Variants in ACSM3 observed in about 807,000 individuals in gnomAD.
The protein encoded by ACSM3 is acyl-CoA synthetase medium chain family member 3, also known as acyl-coenzyme A synthetase ACSM3, mitochondrial.
A neutral mutation model predicts 74.1 loss-of-function variants in ACSM3; 61 were observed. The observed-to-expected ratio is 0.82, with a 90% CI of 0.67 to 1.02. ACSM3 has a LOEUF of 1.02. ACSM3 is among the 50% of genes least tolerant of loss of function. ACSM3 has a pLI of 0.00. For synonymous variants in ACSM3, 213 were observed against 241.5 expected (o/e 0.88, Z 1.09); for missense variants, 660 against 697.0 (o/e 0.95, Z 0.60).
intron 1 of ACSM3, chr16:20,741,617 G>A (rs1203168383): frequency 5.7e-6 from 9 of 1,574,140 alleles, no homozygotes; most frequent in Admixed American, 3.7e-5. Context: ...CCTGTAGCCC[G>A]GGCTCTAGCT....
At chr16:20,746,111 T>C (rs1238951057) in intron 1 of ACSM3, among the ~76,000 whole-genome samples, 1 of 152,204 alleles carries the variant, frequency 6.6e-6, no homozygotes, top group Non-Finnish European at 1.5e-5. Context: ...AAGGTTTAGA[T>C]TCCCTGTTAG....
intron 1 of ACSM3, among the ~76,000 whole-genome samples, chr16:20,742,938 C>T (rs2079941268): frequency 6.9e-6 from 1 of 144,014 alleles, no homozygotes. Context: ...GTATGTTTGT[C>T]TATTTTTTTT....
rs141498187 is a variant in ACSM3 at position 20,737,947 on chromosome 16, T to C, written c.-189-11963T>C. 113 of 1,590,214 alleles carry C rather than the reference T, an allele frequency of 7.1e-5. No homozygotes were observed. In the African/African-American group the frequency reaches 1.3e-3, roughly 19 times the overall value. On this transcript the variant is annotated intron_variant, in intron 1 of 3. Transcript: ENST00000561584. ...ATCCTGGAGAATATGATGCACCAAT[T>C]TCTCAGGCTCTTAAGAAAAAAAAAA...
rs1491360260 is a variant in ACSM3, at chr16:20,718,027, A to AG, written c.-189-31883_-189-31882insG. Among the ~76,000 whole-genome samples the AG allele has an allele frequency of 1.1e-4, 16 of 150,070 alleles. No individual in the cohort carries two copies. The East Asian group carries it at 3.0e-3, about 28-fold the overall frequency. On this transcript the variant is annotated intron_variant, in intron 1 of 3. Coordinates refer to the ACSM3 transcript ENST00000561584. The stretch of plus-strand genomic sequence containing the variant: ...GAAGAAGAAGAAGAAGAAGAAGAAG[A>AG]AAAGAAAGAAGAAGAAGAACTGGAC...
chr16:20,782,581 G>C (rs928257071), intron 7 of ACSM3, among the ~76,000 whole-genome samples: 1 of 152,132 alleles, frequency 6.6e-6, no homozygotes. Flanking sequence ...AGTATCCTAT[G>C]ATTTAATTCA....
At chr16:20,686,366 C>A (rs147884739) in intron 1 of ACSM3, among the ~76,000 whole-genome samples, 183 of 152,062 alleles carry the variant, frequency 1.2e-3, no homozygotes, top group African/African-American at 4.2e-3. Flanking sequence ...TAGAAACCAG[C>A]CAAGGATCTG....
At chr16:20,696,324 T>A (rs1200265622) in intron 1 of ACSM3, among the ~76,000 whole-genome samples, 1 of 152,240 alleles carries the variant, frequency 6.6e-6, no homozygotes, top group Non-Finnish European at 1.5e-5. Flanking sequence ...TCTATTTCCA[T>A]CCACATCTGT....
At chr16:20,773,520 GTTTGC>G (rs1206178957) in intron 2 of ACSM3, among the ~76,000 whole-genome samples, 1 of 151,884 alleles carries the variant, frequency 6.6e-6, no homozygotes, top group African/African-American at 2.4e-5. Flanking sequence ...TTAACACTGT[GTTTGC>G]TTTATTTCAT....
chr16:20,745,232 A>G (rs1422099077), intron 1 of ACSM3, among the ~76,000 whole-genome samples: 1 of 152,110 alleles, frequency 6.6e-6, no homozygotes, highest in Non-Finnish European at 1.5e-5. Flanking sequence ...GACATGGACA[A>G]TGGCCCAGTG....
chr16:20,752,628 G>C (rs904212692), intron 2 of ACSM3, among the ~76,000 whole-genome samples: 35 of 152,300 alleles, frequency 2.3e-4, no homozygotes, highest in African/African-American at 7.9e-4. Context: ...TTAAAACTGG[G>C]TAGGGGTCGA....
intron 3 of ACSM3, among the ~76,000 whole-genome samples, chr16:20,776,912 T>C (rs2080262815): frequency 6.6e-6 from 1 of 152,238 alleles, no homozygotes; most frequent in African/African-American, 2.4e-5. Flanking sequence ...GCTGATGTGG[T>C]GAAGTGTACA....
chr16:20,737,694 T>G, intron 1 of ACSM3: 1 of 1,591,874 alleles, frequency 6.3e-7, no homozygotes, highest in Non-Finnish European at 8.5e-7. Flanking sequence ...GGAAAATCAC[T>G]AAGAGAAACA....
At chr16:20,741,737 C>T (rs1444376062) in intron 1 of ACSM3, 2 of 1,568,034 alleles carry the variant, frequency 1.3e-6, no homozygotes, top group Non-Finnish European at 1.7e-6. Context: ...CAGGGGCCGC[C>T]ATGGTGTGCG....
intron 1 of ACSM3, among the ~76,000 whole-genome samples, chr16:20,689,019 C>T (rs2152331576): frequency 6.8e-6 from 1 of 148,076 alleles, no homozygotes; most frequent in African/African-American, 2.5e-5. Flanking sequence ...TATATGTTAA[C>T]ATATATTTAC....
chr16:20,708,889 T>C (rs945827272), intron 1 of ACSM3, among the ~76,000 whole-genome samples: 6 of 152,218 alleles, frequency 3.9e-5, no homozygotes, highest in African/African-American at 1.2e-4. Flanking sequence ...TGCAAAACTA[T>C]AGTAATTAAA....
intron 2 of ACSM3, among the ~76,000 whole-genome samples, chr16:20,774,502 A>G (rs994645724): frequency 1.3e-5 from 2 of 152,140 alleles, no homozygotes; most frequent in Non-Finnish European, 2.9e-5. Context: ...TGGCCTCCCA[A>G]AGTGCTGGGA....
chr16:20,772,581 T>C (rs1220035120), intron 2 of ACSM3, among the ~76,000 whole-genome samples: 1 of 152,158 alleles, frequency 6.6e-6, no homozygotes, highest in Non-Finnish European at 1.5e-5. Context: ...CACATATGAT[T>C]ACCACTTTTC....
At chr16:20,722,003 A>C (rs1272744927) in intron 1 of ACSM3, 1 of 152,184 alleles carries the variant, frequency 6.6e-6, no homozygotes, top group African/African-American at 2.4e-5. Context: ...ATCAGGTAAC[A>C]AATAGTGCTA....
rs183631923 is a variant in ACSM3, at chr16:20,678,143, A to G, written c.-190+3321A>G. Among the ~76,000 whole-genome samples, 859 of 152,258 alleles carry G rather than the reference A, an allele frequency of 5.6e-3. 6 individuals are homozygous for G. The highest frequency in any genetic ancestry group is 0.019 in the African/African-American group (798 of 41,542). On this transcript the variant is annotated intron_variant, in intron 1 of 3. Transcript: ENST00000561584. ...TCCCCTTCTGTAGATCCCAAGCTAC[A>G]CTCCAAATGAAAGGGCTTGTTTTGC...
Sources: allele counts gnomAD v4.1 joint callset (sites outside exome capture counted in the v4.1 genomes callset), GRCh38; gene constraint gnomAD v4.1.1; transcripts MANE v1.5; gene names NCBI Gene and HGNC (gene_info 2026-07-23, HGNC 2026-07-21).